The following MTOR variants were observed in gnomAD, a reference collection of about 807,000 sequenced individuals.
The protein encoded by MTOR is mechanistic target of rapamycin kinase, also known as serine/threonine-protein kinase mTOR.
Under a neutral mutation model 319.8 loss-of-function variants are expected in MTOR, and 70 were observed. The observed-to-expected ratio is 0.22, with a 90% CI of 0.18 to 0.27. The LOEUF is 0.27. Among genes scored for constraint, MTOR ranks in the 10% least tolerant of loss-of-function variants. The pLI is 1.00. For missense variants in MTOR, 1,890 were observed against 3,274.4 expected (o/e 0.58, Z 10.32); for synonymous variants, 1,183 against 1,211.4 (o/e 0.98, Z 0.49).
chr1:11,148,300 G>C (rs1644005433), intron 31 of MTOR, among the ~76,000 whole-genome samples: 1 of 152,176 alleles, frequency 6.6e-6, no homozygotes, highest in Admixed American at 6.5e-5. Flanking sequence ...TCATTTATAA[G>C]AGAGGAAAAT....
In MTOR at chr1:11,248,093, C is replaced by A. The variant is rs757384321; in HGVS notation, c.842G>T (p.Arg281Leu). Residue 281 changes from arginine to leucine, a missense_variant and splice_region_variant, in exon 7 of 58, where the codon CGT becomes CTT. Physicochemically the swap from Arg to Leu is moderately radical, Grantham distance 102. Coordinates refer to ENST00000361445, the MANE Select transcript of MTOR (RefSeq NM_004958.4). ...GATTTCTTCCATTTCTTCTCTCAGACGCTATATATATGAGGAGGAAAAAAA... is the reference window on the plus strand; with the variant it reads ...GATTTCTTCCATTTCTTCTCTCAGAAGCTATATATATGAGGAGGAAAAAAA... Reference protein sequence around the residue: ...LVRISSMEGERLREEMEEITQ... With the variant: ...LVRISSMEGELLREEMEEITQ... The A allele has an allele frequency of 6.2e-7, 1 of 1,603,066 alleles. No homozygotes were observed. The highest frequency in any genetic ancestry group is 8.5e-7 in the Non-Finnish European group (1 of 1,173,118).
At chr1:11,235,750 G>A (rs561374048) in intron 13 of MTOR, among the ~76,000 whole-genome samples, 2 of 152,116 alleles carry the variant, frequency 1.3e-5, no homozygotes, top group African/African-American at 4.8e-5. Flanking sequence ...TTGGGAGGCC[G>A]AAGCGGGCAG....
chr1:11,188,563 A>G (rs1645397006), intron 28 of MTOR, among the ~76,000 whole-genome samples: 1 of 152,242 alleles, frequency 6.6e-6, no homozygotes, highest in Non-Finnish European at 1.5e-5. Flanking sequence ...AACTGACAGA[A>G]GCATGGGTGA....
At chr1:11,135,071 G>C (rs772976997) in intron 36 of MTOR, among the ~76,000 whole-genome samples, 1 of 152,190 alleles carries the variant, frequency 6.6e-6, no homozygotes, top group South Asian at 2.1e-4. Context: ...AAAGCAGCTA[G>C]ATCTATTTAT....
In MTOR at chr1:11,175,746, G is replaced by GTTTTTTTTTTTT. The variant is rs34392850; in HGVS notation, c.4254-8241_4254-8230dup. Among the ~76,000 whole-genome samples, 851 of 136,982 alleles carry GTTTTTTTTTTTT rather than the reference G, an allele frequency of 6.2e-3. 12 individuals carry two copies. The highest frequency in any genetic ancestry group is 0.034 in the South Asian group (140 of 4,118). The allele number at this position is 136,982 out of a possible 152,430, so 89.9% of individuals were successfully genotyped here. A position where few individuals can be genotyped will look rare whatever the true frequency, so the allele number is the denominator to read the frequency against. The stretch of plus-strand genomic sequence containing the variant: ...TTTCCTCTCAGGCTCTCCCTAGCAG[G>GTTTTTTTTTTTT]TTTTTTTTTTTTTTTTGAGACAGGG... On this transcript the variant is annotated intron_variant, in intron 28 of 57. Transcript: ENST00000361445.
intron 28 of MTOR, among the ~76,000 whole-genome samples, chr1:11,176,321 G>A (rs1370935068): frequency 1.3e-5 from 2 of 152,174 alleles, no homozygotes; most frequent in African/African-American, 4.8e-5. Context: ...GGTGCCGCGT[G>A]ACCTCTGGGG....
intron 30 of MTOR, among the ~76,000 whole-genome samples, chr1:11,156,121 G>C (rs909729184): frequency 6.6e-6 from 1 of 152,164 alleles, no homozygotes; most frequent in African/African-American, 2.4e-5. Context: ...CTCCCGAGTA[G>C]CTGGGATCAT....
At chr1:11,174,881 C>T (rs1172187769) in intron 28 of MTOR, among the ~76,000 whole-genome samples, 2 of 152,102 alleles carry the variant, frequency 1.3e-5, no homozygotes, top group African/African-American at 4.8e-5. Context: ...AAGAGGAGTA[C>T]GTAACACCAC....
In MTOR at chr1:11,121,366, C is replaced by T. The variant is rs1398847142; in HGVS notation, c.6813G>A (p.Met2271Ile). The T allele has an allele frequency of 6.2e-7, 1 of 1,614,042 alleles. No homozygotes were observed. Among genetic ancestry groups the T allele is most frequent in the Admixed American group, 1.7e-5 (1 of 60,032 alleles). The part of the protein sequence containing the change: ...LNIEHRIMLR[M>I]APDYDHLTLM... ...GAGTCAAGTGGTCATAGTCCGGAGC[C>T]ATCTGCATCAGGACACAACTGTTCA... The change falls in exon 49 of 58, where the codon ATG becomes ATA. Residue 2271 changes from methionine (M) to isoleucine (I), a missense_variant and splice_region_variant. This residue lies in a region of MTOR where 249 missense variants were observed against 596.2 expected (regional missense o/e 0.42). Coordinates refer to ENST00000361445, the MANE Select transcript of MTOR (RefSeq NM_004958.4). The surrounding 1 kb of genome is among the most constrained non-coding windows in gnomAD (Gnocchi z 4.9).
In MTOR at chr1:11,172,645, C is replaced by T. The variant is rs181643721; in HGVS notation, c.4254-5128G>A. ...CAGCACTGTGGGAGGCCGAGGTGGG[C>T]GGATCACGAGGTCAGGAGTTCGAGA... On this transcript the variant is annotated intron_variant, in intron 28 of 57. Coordinates refer to ENST00000361445, the MANE Select transcript of MTOR (RefSeq NM_004958.4). 1.3e-3 allele frequency among the ~76,000 whole-genome samples: 196 copies of T among 150,668 alleles called. 1 individual carries two copies. The Middle Eastern group carries it at 0.035, about 27-fold the overall frequency.
At chr1:11,230,668 G>A (rs1158305837) in intron 18 of MTOR, among the ~76,000 whole-genome samples, 1 of 152,120 alleles carries the variant, frequency 6.6e-6, no homozygotes, top group East Asian at 1.9e-4. Flanking sequence ...CTCTTGCATT[G>A]GCATCAAAAA....
At chr1:11,259,615 G>A (rs571125742) in intron 1 of MTOR, among the ~76,000 whole-genome samples, 192 bp from the exon 2 acceptor site, 1 of 152,250 alleles carries the variant, frequency 6.6e-6, no homozygotes, top group Admixed American at 6.5e-5. Context: ...GTTTAAAAGA[G>A]GCAGTGTAGT....
intron 28 of MTOR, among the ~76,000 whole-genome samples, chr1:11,179,150 G>A (rs188356248): frequency 6.6e-6 from 1 of 152,328 alleles, no homozygotes; most frequent in African/African-American, 2.4e-5. Context: ...GACCAGTGGT[G>A]CCCCTACTGA....
At chr1:11,190,345 T>C (rs1398168989) in intron 28 of MTOR, among the ~76,000 whole-genome samples, 2 of 152,216 alleles carry the variant, frequency 1.3e-5, no homozygotes, top group African/African-American at 2.4e-5. Context: ...GCTGTTCCTC[T>C]GGAAGCAAAG....
chr1:11,238,536 G>A lies in MTOR; in HGVS notation c.1868C>T (p.Ala623Val), dbSNP rs2100901488. The change falls in exon 12 of 58, where the codon GCC (alanine) becomes GTC (valine). Residue 623 changes from alanine (A) to valine (V), a missense_variant. Physicochemically the swap from Ala to Val is moderately conservative, Grantham distance 64 (BLOSUM62 0). This residue lies in a region of MTOR where 418 missense variants were observed against 543.1 expected (regional missense o/e 0.77). Coordinates refer to ENST00000361445, the MANE Select transcript of MTOR (RefSeq NM_004958.4). ...TGTGAGCAGGCGGGAGCAGGTGCGG[G>A]CAGCCTCCATGCGGATCTCCTTGTG... The part of the protein sequence containing the change: ...SEHKEIRMEA[A>V]RTCSRLLTPS... 6.2e-7 allele frequency: 1 copy of A among 1,614,218 alleles called. No individual in the cohort carries two copies. Among genetic ancestry groups the A allele is most frequent in the Non-Finnish European group, 8.5e-7 (1 of 1,180,036 alleles).
intron 46 of MTOR, among the ~76,000 whole-genome samples, chr1:11,126,189 C>T (rs1420496047): frequency 1.3e-5 from 2 of 151,806 alleles, no homozygotes; most frequent in Non-Finnish European, 2.9e-5. Context: ...TGTGAGAATC[C>T]ACTTGTTCAT....
At chr1:11,198,846 T>C (rs1014233636) in intron 28 of MTOR, among the ~76,000 whole-genome samples, 5 of 152,210 alleles carry the variant, frequency 3.3e-5, no homozygotes, top group African/African-American at 9.6e-5. Flanking sequence ...CAGGCATCAA[T>C]AGATTTAGTT....
At chr1:11,156,736 A>G (rs1453187694) in intron 30 of MTOR, among the ~76,000 whole-genome samples, 1 of 152,220 alleles carries the variant, frequency 6.6e-6, no homozygotes, top group African/African-American at 2.4e-5. Flanking sequence ...CTGGACACAC[A>G]GTAAGCATCC....
chr1:11,212,922 C>T lies in MTOR; in HGVS notation c.3286-14G>A. The T allele has an allele frequency of 6.2e-7, 1 of 1,606,138 alleles. No individual in the cohort carries two copies. Among genetic ancestry groups the T allele is most frequent in the Non-Finnish European group, 8.5e-7 (1 of 1,172,966 alleles). ...TGCAGCCAGTAACTGCAAAAGGGAG[C>T]AAAAGCATGGTGATGAATAGTCAGG... On this transcript the variant is annotated splice_polypyrimidine_tract_variant and intron_variant, in intron 21 of 57. Coordinates refer to ENST00000361445, the MANE Select transcript of MTOR (RefSeq NM_004958.4). The surrounding 1 kb of genome is among the most constrained non-coding windows in gnomAD (Gnocchi z 4.1).
Sources: allele counts gnomAD v4.1 joint callset (sites outside exome capture counted in the v4.1 genomes callset), GRCh38; gene constraint gnomAD v4.1.1; regional missense constraint gnomAD v4.1.1; non-coding constraint Gnocchi (gnomAD v3.1); transcripts MANE v1.5; gene names NCBI Gene and HGNC (gene_info 2026-07-23, HGNC 2026-07-21).